Variants in GAS7 observed in about 807,000 individuals in gnomAD.
GAS7 encodes the protein growth arrest-specific protein 7.
GAS7 carries 28 observed loss-of-function variants against 71.1 expected under a neutral mutation model. That is an observed-to-expected ratio of 0.39 (90% confidence interval 0.29 to 0.54). The LOEUF (loss-of-function observed/expected upper bound fraction) is 0.54. GAS7 is among the 20% of genes least tolerant of loss of function. GAS7 has a pLI of 0.62. For synonymous variants in GAS7, 258 were observed against 245.8 expected, an observed-to-expected ratio of 1.05 and a Z score of -0.46; for missense variants, 436 against 627.8, an observed-to-expected ratio of 0.69 and a Z score of 3.27.
intron 5 of GAS7, among the ~76,000 whole-genome samples, chr17:9,958,103 C>T (rs1160719435): frequency 2.0e-5 from 3 of 152,140 alleles, no homozygotes; most frequent in Non-Finnish European, 4.4e-5. Flanking sequence ...CCACCCACTA[C>T]CCCCCATTTC....
chr17:10,022,947 T>C (rs1436507630), intron 1 of GAS7, among the ~76,000 whole-genome samples: 3 of 152,208 alleles, frequency 2.0e-5, no homozygotes, highest in Non-Finnish European at 4.4e-5. Flanking sequence ...TTACAGGAGC[T>C]GGAGAGCCAG....
intron 1 of GAS7, among the ~76,000 whole-genome samples, chr17:10,111,736 C>T (rs905512238): frequency 1.3e-5 from 2 of 152,050 alleles, no homozygotes; most frequent in African/African-American, 4.8e-5. Context: ...GAATTGCGAC[C>T]CTCCTTGGTG....
intron 1 of GAS7, among the ~76,000 whole-genome samples, chr17:10,141,234 G>C (rs2074078254): frequency 6.6e-6 from 1 of 152,202 alleles, no homozygotes; most frequent in Admixed American, 6.5e-5. Flanking sequence ...AGGGTCACGA[G>C]GTCAGGAGAT....
chr17:10,166,311 C>G (rs1230719693), intron 1 of GAS7, among the ~76,000 whole-genome samples: 1 of 152,204 alleles, frequency 6.6e-6, no homozygotes, highest in Non-Finnish European at 1.5e-5. Flanking sequence ...GCGTGAGTCA[C>G]CACACCAGGT....
At chr17:10,170,462 G>A (rs897925385) in intron 1 of GAS7, among the ~76,000 whole-genome samples, 1 of 152,160 alleles carries the variant, frequency 6.6e-6, no homozygotes, top group African/African-American at 2.4e-5. Flanking sequence ...TGCACATGCT[G>A]TTCTGTTTTC....
intron 1 of GAS7, among the ~76,000 whole-genome samples, chr17:10,174,679 G>A (rs562729147): frequency 3.3e-5 from 5 of 151,892 alleles, no homozygotes; most frequent in East Asian, 3.9e-4. Context: ...GCGGCAGAGC[G>A]AGACTCCGTA....
At chr17:9,994,726 A>G (rs2070973004) in intron 2 of GAS7, among the ~76,000 whole-genome samples, 1 of 150,588 alleles carries the variant, frequency 6.6e-6, no homozygotes, top group East Asian at 1.9e-4. Flanking sequence ...AAAGACTACC[A>G]TCAGAGTGAA....
At chr17:10,005,688 G>C (rs1319849463) in intron 2 of GAS7, among the ~76,000 whole-genome samples, 1 of 152,150 alleles carries the variant, frequency 6.6e-6, no homozygotes, top group African/African-American at 2.4e-5. Context: ...TGTGTTCACA[G>C]AATGGAAGCT....
rs1567781076 is a variant in GAS7 at position 9,926,851 on chromosome 17, C to T, written c.886-82G>A. ...GCAGGGAGGAGGGATGGGAGGGGCA[C>T]CCCCACTTCCCCAGGCAAGTGAGGA... is the stretch of plus-strand genomic sequence containing the variant. On this transcript the variant is annotated intron_variant, in intron 9 of 13. Coordinates refer to ENST00000432992, the MANE Select transcript of GAS7 (RefSeq NM_201433.2). This position sits in a 1 kb window ranked among gnomAD's most constrained non-coding sequence, Gnocchi z 5.0. 1 of 1,469,434 alleles carries T rather than the reference C, an allele frequency of 6.8e-7. No homozygotes were observed. Among genetic ancestry groups the T allele is most frequent in the Admixed American group, 1.7e-5 (1 of 59,496 alleles). 91.0% of individuals were successfully genotyped at this position (1,469,434 alleles called of 1,614,324 possible). A position where few individuals can be genotyped will look rare whatever the true frequency, so the allele number is the denominator to read the frequency against.
chr17:10,163,179 C>T (rs1023364090), intron 1 of GAS7, among the ~76,000 whole-genome samples: 11 of 152,254 alleles, frequency 7.2e-5, no homozygotes, highest in African/African-American at 1.2e-4. Context: ...CGCGTGATCT[C>T]GGCTCACTGC....
At chr17:10,129,217 A>T (rs2073977269) in intron 1 of GAS7, among the ~76,000 whole-genome samples, 1 of 152,196 alleles carries the variant, frequency 6.6e-6, no homozygotes, top group South Asian at 2.1e-4. Flanking sequence ...ATGGATCAAA[A>T]GACTAAATGT....
At chr17:10,077,423 T>C (rs566679389) in intron 1 of GAS7, among the ~76,000 whole-genome samples, 36 of 152,348 alleles carry the variant, frequency 2.4e-4, no homozygotes, top group African/African-American at 7.9e-4. Context: ...GGCAAGGACT[T>C]AGCATAGATG....
intron 1 of GAS7, chr17:10,114,696 C>CCACACACACACA (rs60196807): frequency 2.7e-5 from 4 of 147,416 alleles, no homozygotes; most frequent in African/African-American, 7.6e-5. Context: ...AAGAGAAAAA[C>CCACACACACACA]CACACACACA....
chr17:10,174,951 T>C (rs956152686), intron 1 of GAS7, among the ~76,000 whole-genome samples: 2 of 152,100 alleles, frequency 1.3e-5, no homozygotes, highest in Admixed American at 6.5e-5. Flanking sequence ...ACTCAAGCGA[T>C]ACTCCCACAT....
At chr17:10,157,490 C>T (rs923700762) in intron 1 of GAS7, among the ~76,000 whole-genome samples, 7 of 151,884 alleles carry the variant, frequency 4.6e-5, no homozygotes, top group East Asian at 1.9e-4. Context: ...GACTGACACT[C>T]GTTGGAAAAA....
chr17:10,160,680 A>G (rs1002799438), intron 1 of GAS7, among the ~76,000 whole-genome samples: 9 of 152,160 alleles, frequency 5.9e-5, no homozygotes, highest in Non-Finnish European at 1.2e-4. Context: ...TAACTATAAT[A>G]TAGAAAGTTA....
rs1294075442 is a variant in GAS7 at position 9,926,007 on chromosome 17, C to T, written c.1015-408G>A. Among the ~76,000 whole-genome samples, 1 of 152,060 alleles carries T rather than the reference C, an allele frequency of 6.6e-6. No individual in the cohort carries two copies. The highest frequency in any genetic ancestry group is 1.5e-5 in the Non-Finnish European group (1 of 68,012). On this transcript the variant is annotated intron_variant, in intron 10 of 13. Coordinates refer to ENST00000432992, the MANE Select transcript of GAS7 (RefSeq NM_201433.2). This position sits in a 1 kb window ranked among gnomAD's most constrained non-coding sequence, Gnocchi z 5.0. ...CCCTCCCGTTCTGGAGCTGGACAAG[C>T]CTCGGCCCTCTTGTTCCCCTCACTG... is the stretch of plus-strand genomic sequence containing the variant.
At chr17:10,060,171 C>G (rs1046484392) in intron 1 of GAS7, among the ~76,000 whole-genome samples, 1 of 152,180 alleles carries the variant, frequency 6.6e-6, no homozygotes, top group Admixed American at 6.5e-5. Flanking sequence ...CTTAAAGCGC[C>G]GAGGAGAAGC....
chr17:10,016,986 C>T (rs1274274071), intron 2 of GAS7, among the ~76,000 whole-genome samples: 1 of 147,452 alleles, frequency 6.8e-6, no homozygotes, highest in Non-Finnish European at 1.5e-5. Flanking sequence ...AAGAAATCAG[C>T]CGGGCGTGAT....
Sources: gnomAD v4.1 joint callset for allele counts (sites outside exome capture counted in the v4.1 genomes callset) on GRCh38, gnomAD v4.1.1 for gene constraint, Gnocchi (gnomAD v3.1) non-coding constraint, MANE v1.5 for transcripts, NCBI Gene and HGNC (gene_info 2026-07-23, HGNC 2026-07-21) for gene names.